CA6: variants seen among roughly 807,000 people sequenced by gnomAD.
The protein encoded by CA6 is carbonate dehydratase VI.
In CA6, 28 loss-of-function variants were observed where a neutral mutation model predicts 35.9. That is an observed-to-expected ratio of 0.78 (90% CI 0.58 to 1.07). The LOEUF (loss-of-function observed/expected upper bound fraction) is 1.07, where lower values mean the gene tolerates loss of function less well. Among genes scored for constraint, CA6 ranks in the 50% least tolerant of loss-of-function variants. The pLI is 0.00. For missense variants in CA6, 377 were observed against 382.0 expected, an observed-to-expected ratio of 0.99 and a Z score of 0.11; for synonymous variants, 148 against 152.6, an observed-to-expected ratio of 0.97 and a Z score of 0.22.
At chr1:8,974,565 G>GT (rs1640217542) in intron 7 of CA6, 57 bp from the exon 8 acceptor site, 2 of 1,451,844 alleles carry the variant, frequency 1.4e-6, no homozygotes, top group Admixed American at 1.9e-5. Context: ...CCCCTTCTCT[G>GT]TTTTTGTGAG....
chr1:8,974,502 A>G (rs1640215819), intron 7 of CA6, 120 bp from the exon 8 acceptor site: 1 of 1,451,278 alleles, frequency 6.9e-7, no homozygotes, highest in Non-Finnish European at 9.3e-7. Context: ...AGAGCATTCT[A>G]AGGAATCAAA....
At chr1:8,970,504 CTTTTTTA>C (rs1441740474) in intron 6 of CA6, among the ~76,000 whole-genome samples, 4 of 151,860 alleles carry the variant, frequency 2.6e-5, no homozygotes, top group African/African-American at 9.7e-5. Context: ...GTTGTTAATT[CTTTTTTA>C]TTTTTTATTT....
In CA6 at chr1:8,972,346, C is replaced by T. The variant is rs114216633; in HGVS notation, c.844+1365C>T. ...GATTATAAGCACGAGCCACCTCGTTCGGCCTTATCCCATCTTTATATGTAC... is the reference window on the plus strand; with the variant it reads ...GATTATAAGCACGAGCCACCTCGTTTGGCCTTATCCCATCTTTATATGTAC... On this transcript the variant is annotated intron_variant, in intron 7 of 7. Coordinates refer to ENST00000377443, the MANE Select transcript of CA6 (RefSeq NM_001215.4). Among the ~76,000 whole-genome samples the T allele has an allele frequency of 7.3e-3, 1,117 of 152,196 alleles. 10 individuals carry two copies. Among genetic ancestry groups the T allele is most frequent in the African/African-American group, 0.026 (1,088 of 41,542 alleles).
chr1:8,955,790 G>A (rs985953477), intron 2 of CA6, among the ~76,000 whole-genome samples: 1 of 152,292 alleles, frequency 6.6e-6, no homozygotes, highest in Admixed American at 6.5e-5. Flanking sequence ...AGCACATTAC[G>A]TTATGAATTT....
At chr1:8,965,055 C>T (rs939538252) in intron 5 of CA6, among the ~76,000 whole-genome samples, 4 of 152,060 alleles carry the variant, frequency 2.6e-5, no homozygotes, top group African/African-American at 9.7e-5. Context: ...ACCAGTGTGG[C>T]CAACATGGTT....
At chr1:8,946,060 C>T in intron 1 of CA6, 95 bp downstream of exon 1, 1 of 785,950 alleles carries the variant, frequency 1.3e-6, no homozygotes, top group South Asian at 1.6e-5. Flanking sequence ...TTTTTTTAGA[C>T]AAAGTCTTGC....
rs1639896483 is a variant in CA6, at chr1:8,963,508, C to G, written c.571+852C>G. On this transcript the variant is annotated intron_variant, in intron 5 of 7. Coordinates refer to ENST00000377443, the MANE Select transcript of CA6 (RefSeq NM_001215.4). The surrounding 1 kb of genome is among the most constrained non-coding windows in gnomAD (Gnocchi z 4.1). ...CTGGCAGCCAAACAGCTGAATGCAA[C>G]TGGACAGAAATCCATAGACATCTAA... is the stretch of plus-strand genomic sequence containing the variant. 6.6e-6 allele frequency among the ~76,000 whole-genome samples: 1 copy of G among 152,152 alleles called. No individual in the cohort carries two copies.
At chr1:8,951,194 C>T (rs1233258372) in intron 2 of CA6, among the ~76,000 whole-genome samples, 1 of 141,226 alleles carries the variant, frequency 7.1e-6, no homozygotes, top group Non-Finnish European at 1.5e-5. Context: ...CCAGCCTGGG[C>T]AACAAGAGCA....
Position 8,963,364 on chromosome 1 carries a change from T to A in CA6, c.571+708T>A, listed in dbSNP as rs945940447. ...GATTCCACCCCGATACTCTCAAGTCTCCCTCAACACTCCCATGCAAACACC... is the reference window on the plus strand; with the variant it reads ...GATTCCACCCCGATACTCTCAAGTCACCCTCAACACTCCCATGCAAACACC... On this transcript the variant is annotated intron_variant, in intron 5 of 7. Coordinates refer to ENST00000377443, the MANE Select transcript of CA6 (RefSeq NM_001215.4). The surrounding 1 kb of genome is among the most constrained non-coding windows in gnomAD (Gnocchi z 4.1). 6.6e-6 allele frequency among the ~76,000 whole-genome samples: 1 copy of A among 151,984 alleles called. No individual in the cohort carries two copies. Among genetic ancestry groups the A allele is most frequent in the Non-Finnish European group, 1.5e-5 (1 of 67,992 alleles).
intron 2 of CA6, among the ~76,000 whole-genome samples, chr1:8,954,600 T>C (rs1352935300): frequency 6.6e-6 from 1 of 152,228 alleles, no homozygotes; most frequent in Non-Finnish European, 1.5e-5. Flanking sequence ...ATAGACCAAG[T>C]TGGAAATAAT....
intron 3 of CA6, among the ~76,000 whole-genome samples, 180 bp downstream of exon 3, chr1:8,957,465 C>T (rs938051571): frequency 4.6e-5 from 7 of 152,228 alleles, no homozygotes; most frequent in Non-Finnish European, 7.4e-5. Context: ...CTTAGTCTCC[C>T]GAGTAAATGG....
chr1:8,958,969 G>A lies in CA6; in HGVS notation c.468G>A (p.Pro156=), dbSNP rs377747220. ...GCTATGATATAGCCCAAGATGCGCCGGATGGTTTGGCTGTACTGGCAGCCT... is the reference window on the plus strand; with the variant it reads ...GCTATGATATAGCCCAAGATGCGCCAGATGGTTTGGCTGTACTGGCAGCCT... ...YKSYDIAQDA[P]DGLAVLAAFV... Residue 156 remains proline, a synonymous_variant, in exon 4 of 8, where the codon CCG becomes CCA. Coordinates refer to ENST00000377443, the MANE Select transcript of CA6 (RefSeq NM_001215.4). The A allele has an allele frequency of 1.0e-4, 165 of 1,612,762 alleles. No individual in the cohort carries two copies. Among genetic ancestry groups the A allele is most frequent in the South Asian group, 9.9e-5 (9 of 90,960 alleles).
intron 2 of CA6, chr1:8,952,121 T>A (rs555391810): frequency 3.4e-5 from 5 of 145,106 alleles, no homozygotes; most frequent in African/African-American, 1.3e-4. Context: ...AGGCTGGCCA[T>A]AATTCCATTT....
At chr1:8,947,621 C>T (rs1276681259) in intron 1 of CA6, among the ~76,000 whole-genome samples, 2 of 152,116 alleles carry the variant, frequency 1.3e-5, no homozygotes, top group African/African-American at 4.8e-5. Context: ...AGTCCTTGTC[C>T]TTCCCAGGCT....
intron 2 of CA6, among the ~76,000 whole-genome samples, chr1:8,954,959 G>C (rs1639634234): frequency 6.6e-6 from 1 of 152,158 alleles, no homozygotes; most frequent in Admixed American, 6.5e-5. Context: ...TTGAAACAAA[G>C]ACAAGTTGCT....
intron 1 of CA6, among the ~76,000 whole-genome samples, chr1:8,946,805 G>GTTTTTTTT (rs60046591): frequency 9.8e-6 from 1 of 102,042 alleles, no homozygotes; most frequent in Admixed American, 1.0e-4. Context: ...TTTTTTTTTT[G>GTTTTTTTT]TTTTTTTTTT....
At chr1:8,948,390 C>A (rs186397643) in intron 1 of CA6, among the ~76,000 whole-genome samples, 1 of 152,084 alleles carries the variant, frequency 6.6e-6, no homozygotes. Context: ...TGTCCTGGAA[C>A]CTGATGCTTC....
In CA6 at chr1:8,972,591, TAGCTGGG is replaced by T. The variant is rs1640138533; in HGVS notation, c.844+1611_844+1617del. 2.0e-5 allele frequency among the ~76,000 whole-genome samples: 3 copies of T among 151,892 alleles called. No homozygotes were observed. In the South Asian group the frequency reaches 6.2e-4, roughly 32 times the overall value. On this transcript the variant is annotated intron_variant, in intron 7 of 7. Transcript: ENST00000377443. ...GGAGGCTGAGACTGGGGAGGCTGAG[TAGCTGGG>T]CATGAACCCGGGAGGCGGAGCTTGC...
At chr1:8,951,402 G>A (rs982794748) in intron 2 of CA6, 3 of 752,716 alleles carry the variant, frequency 4.0e-6, no homozygotes, top group East Asian at 4.9e-5. Flanking sequence ...TGTTTCCAAA[G>A]TTACTCTCTG....
Sources: allele counts gnomAD v4.1 joint callset (sites outside exome capture counted in the v4.1 genomes callset), GRCh38; gene constraint gnomAD v4.1.1; non-coding constraint Gnocchi (gnomAD v3.1); transcripts MANE v1.5; gene names NCBI Gene and HGNC (gene_info 2026-07-23, HGNC 2026-07-21).